The following FURIN variants were observed in gnomAD, a reference collection of about 807,000 sequenced individuals.
The protein encoded by FURIN is FES upstream region.
A neutral mutation model predicts 89.2 loss-of-function variants in FURIN; 18 were observed. The ratio of observed to expected loss-of-function variants is 0.20; its 90% CI spans 0.14 to 0.30. The LOEUF (loss-of-function observed/expected upper bound fraction) is 0.30. FURIN is among the 10% of genes least tolerant of loss of function. FURIN has a pLI of 1.00. For missense variants in FURIN, 879 were observed against 1,100.5 expected (o/e 0.80, Z 2.85); for synonymous variants, 508 against 466.4 (o/e 1.09, Z -1.15).
chr15:90,879,782 C>T lies in FURIN; in HGVS notation c.1258+8C>T. The T allele has an allele frequency of 6.2e-7, 1 of 1,612,066 alleles. No individual in the cohort carries two copies. Among genetic ancestry groups the T allele is most frequent in the South Asian group, 1.1e-5 (1 of 91,034 alleles). The stretch of plus-strand genomic sequence containing the variant: ...ATGGTGTGGGCCGGAAAGGTGAGGG[C>T]AGGCTGGCCCGGCAGGCTGGATGTG... On this transcript the variant is annotated splice_region_variant and intron_variant, in intron 11 of 15. Coordinates refer to ENST00000268171, the MANE Select transcript of FURIN (RefSeq NM_002569.4).
rs1348822187 is a variant in FURIN, at chr15:90,875,574, C to T, written c.-159-8C>T. ...CTCTCTCCCCTTTTCCCCTCTTGTT[C>T]CTCTCAGGGTCGGCACTCTTCACCC... On this transcript the variant is annotated splice_polypyrimidine_tract_variant and splice_region_variant and intron_variant, in intron 1 of 15. Coordinates refer to ENST00000268171, the MANE Select transcript of FURIN (RefSeq NM_002569.4). 1.4e-5 allele frequency: 8 copies of T among 558,696 alleles called. No individual in the cohort carries two copies. The highest frequency in any genetic ancestry group is 1.2e-4 in the African/African-American group (6 of 51,834). 34.6% of individuals were successfully genotyped at this position (558,696 alleles called of 1,614,324 possible).
At position 90,878,747 on chromosome 15, in the gene FURIN, G is replaced by C. The variant is rs1237084646; in HGVS notation, c.841-17G>C. On this transcript the variant is annotated splice_polypyrimidine_tract_variant and intron_variant, in intron 8 of 15. Coordinates refer to ENST00000268171, the MANE Select transcript of FURIN (RefSeq NM_002569.4). ...CAAGTCCCAATCTTGAATGACCCCA[G>C]CCCACTCTGTCCACAGGGCCGAGGG... The C allele has an allele frequency of 6.6e-7, 1 of 1,507,418 alleles. No individual in the cohort carries two copies. The highest frequency in any genetic ancestry group is 9.2e-7 in the Non-Finnish European group (1 of 1,084,904). 93.4% of individuals were successfully genotyped at this position (1,507,418 alleles called of 1,614,324 possible). A position where few individuals can be genotyped will look rare whatever the true frequency, so the allele number is the denominator to read the frequency against.
rs761541008 is a variant in FURIN at position 90,881,522 on chromosome 15, C to T, written c.2029C>T (p.Arg677Trp). 116 of 1,611,434 alleles carry T rather than the reference C, an allele frequency of 7.2e-5. No homozygotes were observed. The highest frequency in any genetic ancestry group is 1.8e-4 in the Admixed American group (11 of 59,948). The stretch of plus-strand genomic sequence containing the variant: ...GGACCCTGTGGAGCAGACTTGCTCC[C>T]GGCAAAGCCAGAGCAGCCGAGAGTC... ...SLDPVEQTCS[R>W]QSQSSRESPP... Residue 677 changes from arginine (R) to tryptophan (W), a missense_variant, in exon 16 of 16, where the codon CGG (arginine) becomes TGG (tryptophan). This residue lies in a region of FURIN where 457 missense variants were observed against 490.7 expected (regional missense o/e 0.93). Transcript: ENST00000268171. The surrounding 1 kb of genome is among the most constrained non-coding windows in gnomAD (Gnocchi z 4.3).
At chr15:90,873,979 C>G (rs2031465317) in intron 1 of FURIN, among the ~76,000 whole-genome samples, 2 of 152,192 alleles carry the variant, frequency 1.3e-5, no homozygotes, top group African/African-American at 4.8e-5. Flanking sequence ...GAGCCTGCCT[C>G]TCTAGCTCCC....
Position 90,875,846 on chromosome 15 carries a change from G to A in FURIN, c.106G>A (p.Val36Met), listed in dbSNP as rs2031584663. The change falls in exon 2 of 16, where the codon GTG becomes ATG. Residue 36 changes from valine to methionine, a missense_variant. By Grantham distance (21) the Val-to-Met change is conservative. Around this residue, in one of 5 missense-constraint regions of FURIN, gnomAD observed 125 missense variants for 125.0 expected, o/e 1.00. Coordinates refer to ENST00000268171, the MANE Select transcript of FURIN (RefSeq NM_002569.4). ...GAAGGTCTTCACCAACACGTGGGCT[G>A]TGCGCATCCCTGGAGGCCCAGCGGT... ...GQKVFTNTWAVRIPGGPAVAN... is the reference protein window; with the variant it reads ...GQKVFTNTWAMRIPGGPAVAN... 3 of 1,580,720 alleles carry A rather than the reference G, an allele frequency of 1.9e-6. No individual in the cohort carries two copies. The highest frequency in any genetic ancestry group is 1.3e-5 in the African/African-American group (1 of 74,692).
rs773606627 is a variant in FURIN at position 90,880,185 on chromosome 15, C to A, written c.1468C>A (p.Arg490=). 3.7e-6 allele frequency: 6 copies of A among 1,612,390 alleles called. No individual in the cohort carries two copies. Among genetic ancestry groups the A allele is most frequent in the South Asian group, 1.1e-5 (1 of 91,046 alleles). Residue 490 remains arginine, a synonymous_variant, in exon 13 of 16, where the codon CGG becomes AGG. Coordinates refer to ENST00000268171, the MANE Select transcript of FURIN (RefSeq NM_002569.4). Reference sequence around the variant, plus strand: ...CACTCGGCTGGAGCACGCTCAGGCGCGGCTCACCCTGTCCTATAATCGCCG... The same window carrying A: ...CACTCGGCTGGAGCACGCTCAGGCGAGGCTCACCCTGTCCTATAATCGCCG... ...HITRLEHAQA[R]LTLSYNRRGD... is the part of the protein sequence containing the mutation.
At chr15:90,873,384 A>G (rs1048065179) in intron 1 of FURIN, among the ~76,000 whole-genome samples, 5 of 152,148 alleles carry the variant, frequency 3.3e-5, no homozygotes, top group African/African-American at 1.2e-4. Context: ...TTAACGCCAA[A>G]CAGCTGCGGC....
rs1457327501 is a variant in FURIN, at chr15:90,876,848, C to A, written c.373-48C>A. 6.2e-7 allele frequency: 1 copy of A among 1,605,132 alleles called. No homozygotes were observed. Among genetic ancestry groups the A allele is most frequent in the Admixed American group, 1.7e-5 (1 of 59,828 alleles). On this transcript the variant is annotated intron_variant, in intron 4 of 15. Transcript: ENST00000268171. This position sits in a 1 kb window ranked among gnomAD's most constrained non-coding sequence, Gnocchi z 5.0. ...GGATTCTTCAAGATGCTCCTAGCCT[C>A]ACAAAACCAATCATGTCTCATAAGT... is the stretch of plus-strand genomic sequence containing the variant.
intron 1 of FURIN, among the ~76,000 whole-genome samples, chr15:90,870,181 A>G (rs932057120): frequency 6.6e-6 from 1 of 152,210 alleles, no homozygotes; most frequent in Non-Finnish European, 1.5e-5. Flanking sequence ...GGGTAAATTG[A>G]GGAAGTCCCT....
Position 90,880,934 on chromosome 15 carries a change from G to A in FURIN, c.1686G>A (p.Thr562=), listed in dbSNP as rs768431544. ...ENTSEANNYG[T]LTKFTLVLYG... ...CTCCTCCCCGCTCTGGAACAGGGACGCTGACCAAGTTCACCCTCGTACTCT... is the reference window on the plus strand; with the variant it reads ...CTCCTCCCCGCTCTGGAACAGGGACACTGACCAAGTTCACCCTCGTACTCT... Residue 562 remains threonine (T), a synonymous_variant, in exon 15 of 16, where the codon ACG becomes ACA. Transcript: ENST00000268171. 9 of 1,613,568 alleles carry A rather than the reference G, an allele frequency of 5.6e-6. No homozygotes were observed. In the East Asian group the frequency reaches 6.7e-5, roughly 12 times the overall value.
Position 90,876,044 on chromosome 15 carries a change from G to A in FURIN, c.177+127G>A. 1.2e-6 allele frequency: 1 copy of A among 867,676 alleles called. No homozygotes were observed. The highest frequency in any genetic ancestry group is 1.8e-6 in the Non-Finnish European group (1 of 566,786). The allele number at this position is 867,676 out of a possible 1,614,324, so 53.7% of individuals were successfully genotyped here. A position where few individuals can be genotyped will look rare whatever the true frequency, so the allele number is the denominator to read the frequency against. The stretch of plus-strand genomic sequence containing the variant: ...TAGCCGGCATGTTCTGGGTGGCCAT[G>A]AGCAAAGCACAGGTGGTTCAGGCAA... On this transcript the variant is annotated intron_variant, in intron 2 of 15. Coordinates refer to ENST00000268171, the MANE Select transcript of FURIN (RefSeq NM_002569.4). This position sits in a 1 kb window ranked among gnomAD's most constrained non-coding sequence, Gnocchi z 5.0.
In FURIN at chr15:90,880,307, G is replaced by A. The variant is rs376876154; in HGVS notation, c.1556+34G>A. 2.9e-4 allele frequency: 447 copies of A among 1,544,732 alleles called. 2 individuals are homozygous for A. Among genetic ancestry groups the A allele is most frequent in the African/African-American group, 9.5e-5 (7 of 73,916 alleles). ...TCTGTCCCTGCCCGCCCTGCCCAGC[G>A]CCGCCGCCTCTCACAGCCCGCGTGC... On this transcript the variant is annotated intron_variant, in intron 13 of 15. Transcript: ENST00000268171.
At chr15:90,872,863 C>A (rs1265809505) in intron 1 of FURIN, 1 of 152,276 alleles carries the variant, frequency 6.6e-6, no homozygotes, top group Non-Finnish European at 1.5e-5. Context: ...CAGAGCCAGA[C>A]CCCCAGTGTC....
rs2031971400 is a variant in FURIN at position 90,881,503 on chromosome 15, T to C, written c.2010T>C (p.Pro670=). Residue 670 remains proline (P), a synonymous_variant, in exon 16 of 16, where the codon CCT becomes CCC. Transcript: ENST00000268171. The surrounding 1 kb of genome is among the most constrained non-coding windows in gnomAD (Gnocchi z 4.3). The part of the protein sequence containing the change: ...LSCPSHASLD[P]VEQTCSRQSQ... ...GCCCCAGCCACGCCTCCTTGGACCC[T>C]GTGGAGCAGACTTGCTCCCGGCAAA... The C allele has an allele frequency of 6.2e-7, 1 of 1,611,882 alleles. No individual in the cohort carries two copies. Among genetic ancestry groups the C allele is most frequent in the African/African-American group, 1.3e-5 (1 of 75,016 alleles).
chr15:90,871,762 G>A (rs1309191891), intron 1 of FURIN, among the ~76,000 whole-genome samples: 3 of 149,030 alleles, frequency 2.0e-5, no homozygotes, highest in African/African-American at 7.4e-5. Flanking sequence ...GGGCACTGGC[G>A]CCGGTGCAGC....
intron 9 of FURIN, 34 bp downstream of exon 9, chr15:90,879,010 T>G: frequency 6.7e-5 from 80 of 1,185,510 alleles, no homozygotes; most frequent in Non-Finnish European, 8.8e-5. Context: ...GCTGGGGAGA[T>G]GGGGCTGCTG....
chr15:90,871,909 C>T (rs2031327583), intron 1 of FURIN, among the ~76,000 whole-genome samples: 1 of 151,374 alleles, frequency 6.6e-6, no homozygotes, highest in East Asian at 2.0e-4. Context: ...CCGTCTCGGC[C>T]CCCCGGCCGT....
At chr15:90,877,063 G>A (rs754699447) in intron 5 of FURIN, 39 bp downstream of exon 5, 15 of 1,613,582 alleles carry the variant, frequency 9.3e-6, no homozygotes, top group Middle Eastern at 3.3e-4. Context: ...TCCCTGCTGA[G>A]GTGTGTCTAG....
rs959993212 is a variant in FURIN at position 90,868,731 on chromosome 15, G to T, written c.-160+20G>T. 1.3e-5 allele frequency: 2 copies of T among 152,192 alleles called. No individual in the cohort carries two copies. Among genetic ancestry groups the T allele is most frequent in the African/African-American group, 4.8e-5 (2 of 41,444 alleles). The allele number at this position is 152,192 out of a possible 1,614,324, so 9.4% of individuals were successfully genotyped here. On this transcript the variant is annotated intron_variant, in intron 1 of 15. Transcript: ENST00000268171. ...GGTGAAGTATGGACATGCTTTATTC[G>T]ATTTTGCATTGACTTAAAGGTTTAA...
Sources: allele counts gnomAD v4.1 joint callset (sites outside exome capture counted in the v4.1 genomes callset), GRCh38; gene constraint gnomAD v4.1.1; regional missense constraint gnomAD v4.1.1; non-coding constraint Gnocchi (gnomAD v3.1); transcripts MANE v1.5; gene names NCBI Gene and HGNC (gene_info 2026-07-23, HGNC 2026-07-21).